The following PCDHA12 variants were observed in gnomAD, a reference collection of about 807,000 sequenced individuals.
The protein encoded by PCDHA12 is protocadherin alpha 12.
A neutral mutation model predicts 60.0 loss-of-function variants in PCDHA12; 44 were observed. The observed-to-expected ratio is 0.73, with a 90% confidence interval of 0.58 to 0.94. The LOEUF is 0.94. Ranked by LOEUF, PCDHA12 falls within the 40% of genes least tolerant of loss-of-function variation. The pLI is 0.00. For missense variants in PCDHA12, 1,276 were observed against 1,239.7 expected (o/e 1.03, Z -0.44); for synonymous variants, 569 against 553.0 (o/e 1.03, Z -0.40).
At chr5:140,954,844 C>T (rs1195160424) in intron 1 of PCDHA12, among the ~76,000 whole-genome samples, 1 of 152,070 alleles carries the variant, frequency 6.6e-6, no homozygotes, top group African/African-American at 2.4e-5. Flanking sequence ...GAAATCTTTG[C>T]CTGTGCCTAT....
chr5:140,893,111 T>G (rs2063826181), intron 1 of PCDHA12, among the ~76,000 whole-genome samples: 1 of 152,236 alleles, frequency 6.6e-6, no homozygotes, highest in Non-Finnish European at 1.5e-5. Flanking sequence ...TATTCCGTTG[T>G]GCATATACAC....
rs782702520 is a variant in PCDHA12, at chr5:140,875,830, G to A, written c.358G>A (p.Asp120Asn). 4.6e-5 allele frequency: 75 copies of A among 1,614,104 alleles called. No homozygotes were observed. Among genetic ancestry groups the A allele is most frequent in the East Asian group, 8.9e-5 (4 of 44,904 alleles). The stretch of plus-strand genomic sequence containing the variant: ...CAGGCCGCTGCAGGTTTTCCATGTG[G>A]ACGTGGAGGTGAAGGACATTAACGA... Reference protein sequence around the residue: ...VDRPLQVFHVDVEVKDINDNP... With the variant: ...VDRPLQVFHVNVEVKDINDNP... Residue 120 changes from aspartate to asparagine, a missense_variant, in exon 1 of 4, where the codon GAC (aspartate) becomes AAC (asparagine). Transcript: ENST00000398631.
At position 140,876,388 on chromosome 5, in the gene PCDHA12, G is replaced by A; in HGVS notation, c.916G>A (p.Gly306Ser). 2 of 1,613,896 alleles carry A rather than the reference G, an allele frequency of 1.2e-6. No individual in the cohort carries two copies. Among genetic ancestry groups the A allele is most frequent in the Non-Finnish European group, 1.7e-6 (2 of 1,179,890 alleles). ...NPDTGEIRIY[G>S]ELDFEENNAY... ...AGACACAGGTGAAATTAGAATTTAT[G>A]GTGAACTGGATTTTGAAGAGAATAA... is the stretch of plus-strand genomic sequence containing the variant. Residue 306 changes from glycine (G) to serine (S), a missense_variant, in exon 1 of 4, where the codon GGT becomes AGT. Physicochemically the swap from Gly to Ser is moderately conservative, Grantham distance 56. Transcript: ENST00000398631.
chr5:140,914,288 T>C (rs2076666061), intron 1 of PCDHA12, among the ~76,000 whole-genome samples: 1 of 152,210 alleles, frequency 6.6e-6, no homozygotes, highest in African/African-American at 2.4e-5. Flanking sequence ...ATAATTGTTA[T>C]ATCCTCTTGC....
intron 1 of PCDHA12, among the ~76,000 whole-genome samples, chr5:140,950,286 C>G (rs2094469059): frequency 6.6e-6 from 1 of 151,924 alleles, no homozygotes; most frequent in Non-Finnish European, 1.5e-5. Flanking sequence ...TTGCTTCAAC[C>G]TGAAAAACTT....
chr5:140,985,955 G>A (rs1284756138), intron 3 of PCDHA12, among the ~76,000 whole-genome samples: 1 of 151,674 alleles, frequency 6.6e-6, no homozygotes, highest in Non-Finnish European at 1.5e-5. Flanking sequence ...TAGCCAGGAT[G>A]GTCTCAATCT....
rs1329189325 is a variant in PCDHA12, at chr5:141,010,310, G to C, written c.*373G>C. The C allele has an allele frequency of 6.5e-7, 1 of 1,547,658 alleles. No individual in the cohort carries two copies. The highest frequency in any genetic ancestry group is 8.7e-7 in the Non-Finnish European group (1 of 1,145,866). ...CTTGCAGGGCAGGCTGAAAAGTTTT[G>C]AGATTGAGCAGCTTGGGAGTTTGTG... On this transcript the variant is annotated 3_prime_UTR_variant, in exon 4 of 4. Coordinates refer to ENST00000398631, the MANE Select transcript of PCDHA12 (RefSeq NM_018903.4).
chr5:140,936,054 G>A (rs1198755229), intron 1 of PCDHA12, among the ~76,000 whole-genome samples: 2 of 151,770 alleles, frequency 1.3e-5, no homozygotes, highest in Non-Finnish European at 1.5e-5. Flanking sequence ...CACCACACCC[G>A]GCTAATTTTT....
At position 140,941,206 on chromosome 5, in the gene PCDHA12, TCTTTCTTC is replaced by T. The variant is rs1268159199; in HGVS notation, c.2368-37735_2368-37728del. Among the ~76,000 whole-genome samples the T allele has an allele frequency of 1.2e-3, 117 of 95,670 alleles. 1 individual carries two copies. The highest frequency in any genetic ancestry group is 8.3e-3 in the South Asian group (27 of 3,240). The allele number at this position is 95,670 out of a possible 152,430, so 62.8% of individuals were successfully genotyped here. A position where few individuals can be genotyped will look rare whatever the true frequency, so the allele number is the denominator to read the frequency against. On this transcript the variant is annotated intron_variant, in intron 1 of 3. Coordinates refer to ENST00000398631, the MANE Select transcript of PCDHA12 (RefSeq NM_018903.4). ...GCTTCTTTTTTTTTCTTTCTTCCTTTCTTTCTTCCTTTCTTTCTTTCTTTCTTTCTTTC... is the reference window on the plus strand; with the variant it reads ...GCTTCTTTTTTTTTCTTTCTTCCTTTCTTTCTTTCTTTCTTTCTTTCTTTC...
chr5:140,944,206 T>C (rs1291391135), intron 1 of PCDHA12, among the ~76,000 whole-genome samples: 1 of 152,156 alleles, frequency 6.6e-6, no homozygotes, highest in Non-Finnish European at 1.5e-5. Context: ...GTTTTGTTTT[T>C]AAAGAGGGTT....
At chr5:140,966,679 G>A (rs1554228549) in intron 1 of PCDHA12, 1 of 1,317,562 alleles carries the variant, frequency 7.6e-7, no homozygotes, top group Non-Finnish European at 9.8e-7. Flanking sequence ...AGGGTGGCAC[G>A]AGCGGAGGCG....
chr5:141,006,376 TAA>T (rs2098270900), intron 3 of PCDHA12, among the ~76,000 whole-genome samples: 1 of 151,996 alleles, frequency 6.6e-6, no homozygotes, highest in South Asian at 2.1e-4. Flanking sequence ...CACGCCCGGC[TAA>T]GTTTTTTCTA....
intron 1 of PCDHA12, among the ~76,000 whole-genome samples, chr5:140,899,276 A>G (rs1402457704): frequency 2.8e-4 from 42 of 152,318 alleles, no homozygotes; most frequent in African/African-American, 9.4e-4. Flanking sequence ...GGCAGTTTTC[A>G]AAGGGAATAC....
At chr5:140,991,228 T>C (rs2097439456) in intron 3 of PCDHA12, among the ~76,000 whole-genome samples, 1 of 152,220 alleles carries the variant, frequency 6.6e-6, no homozygotes, top group African/African-American at 2.4e-5. Flanking sequence ...CATTAATAAA[T>C]GCAGTGGTAA....
Position 140,984,851 on chromosome 5 carries a change from A to G in PCDHA12, c.2515+2288A>G, listed in dbSNP as rs986424116. Among the ~76,000 whole-genome samples the G allele has an allele frequency of 2.6e-5, 4 of 152,200 alleles. No individual in the cohort carries two copies. In the South Asian group the frequency reaches 6.2e-4, roughly 24 times the overall value. ...TTTCTGTAAATTGGGTGTAGTAATA[A>G]TAATAACACCTATTTTATTGAGTTA... On this transcript the variant is annotated intron_variant, in intron 3 of 3. Coordinates refer to ENST00000398631, the MANE Select transcript of PCDHA12 (RefSeq NM_018903.4).
intron 1 of PCDHA12, among the ~76,000 whole-genome samples, chr5:140,913,340 C>G (rs1276320319): frequency 6.6e-6 from 1 of 152,024 alleles, no homozygotes; most frequent in African/African-American, 2.4e-5. Context: ...GGAATTTATC[C>G]ATTTCCTCTA....
At chr5:140,929,400 A>G (rs915139377) in intron 1 of PCDHA12, 5 of 1,509,110 alleles carry the variant, frequency 3.3e-6, no homozygotes, top group African/African-American at 2.8e-5. Flanking sequence ...TATTTCTTAG[A>G]CAAGCCTTTC....
intron 1 of PCDHA12, chr5:140,928,174 C>T (rs2085016971): frequency 1.9e-6 from 3 of 1,614,060 alleles, no homozygotes; most frequent in African/African-American, 1.3e-5. Flanking sequence ...ACTTAGCACC[C>T]GAAGGACAAT....
Position 140,875,940 on chromosome 5 carries a change from C to T in PCDHA12, c.468C>T (p.Gly156=), listed in dbSNP as rs782320801. ...TGGACTCTCATTTTCCTCTAGAGGG[C>T]GCTTCTGATGCGGATATCGGCGTAA... The part of the protein sequence containing the change: ...APLDSHFPLE[G]ASDADIGVNS... Residue 156 remains glycine (G), a synonymous_variant, in exon 1 of 4, where the codon GGC becomes GGT. Transcript: ENST00000398631. 5.0e-6 allele frequency: 8 copies of T among 1,613,964 alleles called. No individual in the cohort carries two copies. In the South Asian group the frequency reaches 6.6e-5, roughly 13 times the overall value.
Sources: gnomAD v4.1 joint callset for allele counts (sites outside exome capture counted in the v4.1 genomes callset) on GRCh38, gnomAD v4.1.1 for gene constraint, MANE v1.5 for transcripts, NCBI Gene and HGNC (gene_info 2026-07-23, HGNC 2026-07-21) for gene names.